The following SLC34A3 variants were observed in gnomAD, a reference collection of about 807,000 sequenced individuals.
SLC34A3 encodes the protein sodium-dependent phosphate transport protein 2C.
In SLC34A3, 60 loss-of-function variants were observed where a neutral mutation model predicts 43.9. The ratio of observed to expected loss-of-function variants is 1.37; its 90% CI spans 1.11 to 1.70. SLC34A3 has a LOEUF of 1.70. Among genes scored for constraint, SLC34A3 ranks in the 40% most tolerant of loss-of-function variants. SLC34A3 has a pLI of 0.00. For missense variants in SLC34A3, 969 were observed against 823.8 expected (o/e 1.18, Z -2.16); for synonymous variants, 451 against 386.2 (o/e 1.17, Z -1.97).
At chr9:137,235,597 C>T (rs1175873808) in intron 12 of SLC34A3, among the ~76,000 whole-genome samples, 2 of 152,188 alleles carry the variant, frequency 1.3e-5, no homozygotes, top group Non-Finnish European at 2.9e-5. Flanking sequence ...AGGGCCTGGA[C>T]TGTGCAGGCT....
chr9:137,229,819 A>G (rs1191764616), upstream of SLC34A3, among the ~76,000 whole-genome samples: 4 of 152,072 alleles, frequency 2.6e-5, no homozygotes, highest in Admixed American at 2.6e-4. Context: ...AGCAGCCACC[A>G]CACAGACCCT....
chr9:137,235,872 G>C, intron 12 of SLC34A3, 80 bp from the exon 13 acceptor site: 1 of 1,271,016 alleles, frequency 7.9e-7, no homozygotes, highest in Non-Finnish European at 1.1e-6. Context: ...CTTCTGTAGG[G>C]TGGAGGAGGG....
rs1446631982 is a variant in SLC34A3, at chr9:137,234,337, C to T, written c.1093+61C>T. The stretch of plus-strand genomic sequence containing the variant: ...GACCCAGCATCCCCCATAGACTTCC[C>T]CTTCCCACCAGGCTGACTCGGGGGC... On this transcript the variant is annotated intron_variant, in intron 10 of 12. Transcript: ENST00000673835. The surrounding 1 kb of genome is among the most constrained non-coding windows in gnomAD (Gnocchi z 6.9). 1 of 1,602,174 alleles carries T rather than the reference C, an allele frequency of 6.2e-7. No individual in the cohort carries two copies. The highest frequency in any genetic ancestry group is 1.7e-5 in the Admixed American group (1 of 59,858).
Position 137,233,171 on chromosome 9 carries a change from C to G in SLC34A3, c.561-38C>G, listed in dbSNP as rs760561315. On this transcript the variant is annotated intron_variant, in intron 6 of 12. Transcript: ENST00000673835. ...GCTGCAGTGGCAGCCCCAGCCCGGG[C>G]CCCCCCACCTGACCCTGCCCACTCT... The G allele has an allele frequency of 3.2e-6, 5 of 1,553,730 alleles. No homozygotes were observed. In the African/African-American group the frequency reaches 6.9e-5, roughly 21 times the overall value.
chr9:137,231,882 C>A, intron 2 of SLC34A3, 95 bp downstream of exon 2: 4 of 1,254,064 alleles, frequency 3.2e-6, no homozygotes, highest in Middle Eastern at 1.9e-4. Flanking sequence ...GCGGGCCTCC[C>A]GGGGAACCCA....
chr9:137,232,492 G>T, intron 3 of SLC34A3, 83 bp from the exon 4 acceptor site: 2 of 1,571,574 alleles, frequency 1.3e-6, no homozygotes, highest in Admixed American at 3.4e-5. Flanking sequence ...ACAGAGGAGA[G>T]AGGGGGCAGA....
At position 137,234,773 on chromosome 9, in the gene SLC34A3, C is replaced by G; in HGVS notation, c.1335+42C>G. Reference sequence around the variant, plus strand: ...CCCGCTGCCAGAACTGGCCAGCTTCCTCTCAGCCCCACAGACAGGAGTGTG... The same window carrying G: ...CCCGCTGCCAGAACTGGCCAGCTTCGTCTCAGCCCCACAGACAGGAGTGTG... On this transcript the variant is annotated intron_variant, in intron 12 of 12. Coordinates refer to ENST00000673835, the MANE Select transcript of SLC34A3 (RefSeq NM_001177316.2). The surrounding 1 kb of genome is among the most constrained non-coding windows in gnomAD (Gnocchi z 6.9). 2.5e-6 allele frequency: 4 copies of G among 1,600,508 alleles called. No homozygotes were observed. The highest frequency in any genetic ancestry group is 3.4e-6 in the Non-Finnish European group (4 of 1,179,674).
In SLC34A3 at chr9:137,234,398, A is replaced by T. The variant is rs1836460885; in HGVS notation, c.1094-18A>T. 1 of 1,596,266 alleles carries T rather than the reference A, an allele frequency of 6.3e-7. No homozygotes were observed. The highest frequency in any genetic ancestry group is 1.3e-5 in the African/African-American group (1 of 74,696). ...TCCTTGTGGGCGCTGGCCAGGGCTG[A>T]CCCGGCATCCCCCACAGACTTCCCC... On this transcript the variant is annotated intron_variant, in intron 10 of 12. Transcript: ENST00000673835. This position sits in a 1 kb window ranked among gnomAD's most constrained non-coding sequence, Gnocchi z 6.9.
At chr9:137,235,122 C>T (rs1836510418) in intron 12 of SLC34A3, among the ~76,000 whole-genome samples, 1 of 152,072 alleles carries the variant, frequency 6.6e-6, no homozygotes, top group African/African-American at 2.4e-5. Context: ...ACGACCCTCC[C>T]AGCCCCCATT....
rs974573175 is a variant in SLC34A3 at position 137,231,895 on chromosome 9, G to C, written c.85+108G>C. 17 of 1,185,888 alleles carry C rather than the reference G, an allele frequency of 1.4e-5. No homozygotes were observed. The African/African-American group carries it at 1.9e-4, about 14-fold the overall frequency. 73.5% of individuals were successfully genotyped at this position (1,185,888 alleles called of 1,614,324 possible). On this transcript the variant is annotated intron_variant, in intron 2 of 12. Transcript: ENST00000673835. ...CTGCGGGCCTCCCGGGGAACCCACA[G>C]GGCTCATGACGCCTCCACTCAGGTC...
rs373159315 is a variant in SLC34A3 at position 137,234,557 on chromosome 9, G to A, written c.1210+25G>A. ...GGTGAGCAGGCAGGACAGAGGCCTC[G>A]GGAACGGGGGCTCGGGCTGGGGTCC... is the stretch of plus-strand genomic sequence containing the variant. On this transcript the variant is annotated intron_variant, in intron 11 of 12. Transcript: ENST00000673835. The surrounding 1 kb of genome is among the most constrained non-coding windows in gnomAD (Gnocchi z 6.9). 4.2e-5 allele frequency: 68 copies of A among 1,609,390 alleles called. No homozygotes were observed. The highest frequency in any genetic ancestry group is 1.3e-4 in the African/African-American group (10 of 74,862).
chr9:137,234,361 G>A lies in SLC34A3; in HGVS notation c.1094-55G>A, dbSNP rs1564420471. On this transcript the variant is annotated intron_variant, in intron 10 of 12. Coordinates refer to ENST00000673835, the MANE Select transcript of SLC34A3 (RefSeq NM_001177316.2). The surrounding 1 kb of genome is among the most constrained non-coding windows in gnomAD (Gnocchi z 6.9). ...CCCTTCCCACCAGGCTGACTCGGGG[G>A]CTACCTGGCCCTCCTTGTGGGCGCT... The A allele has an allele frequency of 1.3e-6, 2 of 1,598,746 alleles. No homozygotes were observed. The highest frequency in any genetic ancestry group is 1.3e-5 in the African/African-American group (1 of 74,982).
Position 137,236,100 on chromosome 9 carries a change from G to C in SLC34A3, c.1484G>C (p.Gly495Ala), listed in dbSNP as rs140869490. The C allele has an allele frequency of 1.3e-4, 211 of 1,612,092 alleles. No homozygotes were observed. The African/African-American group carries it at 2.5e-3, about 19-fold the overall frequency. ...GTGGCTGGGGTCTACCTGCTGCTCG[G>C]ATTCCTGCTGCTGCCCCTGGCGGCC... The part of the protein sequence containing the change: ...RWVAGVYLLL[G>A]FLLLPLAAFG... Residue 495 changes from glycine (G) to alanine (A), a missense_variant, in exon 13 of 13, where the codon GGA becomes GCA. Transcript: ENST00000673835.
At chr9:137,233,152 G>A (rs748899924) in intron 6 of SLC34A3, 37 bp downstream of exon 6, 3 of 1,541,924 alleles carry the variant, frequency 1.9e-6, no homozygotes, top group Non-Finnish European at 2.6e-6. Context: ...TGGGGCTGCA[G>A]TGGCAGCCCC....
chr9:137,233,299 G>A lies in SLC34A3; in HGVS notation c.651G>A (p.Glu217=). 6.3e-7 allele frequency: 1 copy of A among 1,594,608 alleles called. No homozygotes were observed. The highest frequency in any genetic ancestry group is 8.5e-7 in the Non-Finnish European group (1 of 1,171,182). The part of the protein sequence containing the change: ...LPLESATALL[E]RLSELALGAA... ...TGGAGAGCGCCACGGCCCTGCTGGA[G>A]AGGCTAAGTGAGCTAGCCCTGGGTG... Residue 217 remains glutamate (E), a synonymous_variant, in exon 7 of 13, where the codon GAG becomes GAA. Transcript: ENST00000673835.
chr9:137,235,844 A>G, intron 12 of SLC34A3, 108 bp from the exon 13 acceptor site: 1 of 992,766 alleles, frequency 1.0e-6, no homozygotes, highest in South Asian at 1.4e-5. Flanking sequence ...AGCAGGATGA[A>G]CTTCAGACTT....
intron 1 of SLC34A3, chr9:137,231,218 A>C (rs1588839216): frequency 5.2e-6 from 1 of 193,198 alleles, no homozygotes; most frequent in African/African-American, 2.4e-5. Flanking sequence ...TGGTGTGAGG[A>C]CCCCACCTGC....
chr9:137,229,874 G>A (rs115839721), upstream of SLC34A3, among the ~76,000 whole-genome samples: 1,162 of 152,254 alleles, frequency 7.6e-3, 16 homozygotes, highest in African/African-American at 0.027. Context: ...GTGGACAGCA[G>A]TTACCACCAA....
chr9:137,229,878 C>A (rs912377340), upstream of SLC34A3, among the ~76,000 whole-genome samples: 2 of 152,236 alleles, frequency 1.3e-5, no homozygotes, highest in East Asian at 3.9e-4. Flanking sequence ...ACAGCAGTTA[C>A]CACCAAGTCA....
Sources: allele counts gnomAD v4.1 joint callset (sites outside exome capture counted in the v4.1 genomes callset), GRCh38; gene constraint gnomAD v4.1.1; non-coding constraint Gnocchi (gnomAD v3.1); transcripts MANE v1.5; gene names NCBI Gene and HGNC (gene_info 2026-07-23, HGNC 2026-07-21).